The following IGF2BP3 variants were observed in gnomAD, a reference collection of about 807,000 sequenced individuals.
The protein encoded by IGF2BP3 is insulin like growth factor 2 mRNA binding protein 3, also known as insulin-like growth factor 2 mRNA-binding protein 3.
Under a neutral mutation model 73.8 loss-of-function variants are expected in IGF2BP3, and 9 were observed. That is an observed-to-expected ratio of 0.12 (90% CI 0.07 to 0.21). IGF2BP3 has a LOEUF of 0.21. Among genes scored for constraint, IGF2BP3 ranks in the 10% least tolerant of loss-of-function variants. The pLI is 1.00. For synonymous variants in IGF2BP3, 258 were observed against 256.7 expected, an observed-to-expected ratio of 1.01 and a Z score of -0.05; for missense variants, 542 against 714.0, an observed-to-expected ratio of 0.76 and a Z score of 2.75.
rs1783802569 is a variant in IGF2BP3 at position 23,310,713 on chromosome 7, TCAAAATGTCTAA to T, written c.*1637_*1648del. 6.6e-6 allele frequency: 1 copy of T among 152,236 alleles called. No homozygotes were observed. The highest frequency in any genetic ancestry group is 1.5e-5 in the Non-Finnish European group (1 of 68,044). The allele number at this position is 152,236 out of a possible 1,614,324, so 9.4% of individuals were successfully genotyped here. ...TTAAGGAAAACACTTTAAATCATTT[TCAAAATGTCTAA>T]TTGATCTTCAGAAAAACATCTAGTC... On this transcript the variant is annotated 3_prime_UTR_variant, in exon 15 of 15. Transcript: ENST00000258729.
At chr7:23,430,903 G>A (rs1787657125) in intron 2 of IGF2BP3, among the ~76,000 whole-genome samples, 1 of 152,176 alleles carries the variant, frequency 6.6e-6, no homozygotes, top group Admixed American at 6.5e-5. Flanking sequence ...CCAGGAAAAA[G>A]GGATTCAATT....
At position 23,311,293 on chromosome 7, in the gene IGF2BP3, A is replaced by C. The variant is rs1474115529; in HGVS notation, c.*1069T>G. 1 of 152,602 alleles carries C rather than the reference A, an allele frequency of 6.6e-6. No homozygotes were observed. The highest frequency in any genetic ancestry group is 1.5e-5 in the Non-Finnish European group (1 of 68,042). The allele number at this position is 152,602 out of a possible 1,614,324, so 9.5% of individuals were successfully genotyped here. Reference sequence around the variant, plus strand: ...AACTAAGCATCCTATAAGACAAGCTAAAGCTTGCTTTTTGCCAGTCAGTTG... The same window carrying C: ...AACTAAGCATCCTATAAGACAAGCTCAAGCTTGCTTTTTGCCAGTCAGTTG... On this transcript the variant is annotated 3_prime_UTR_variant, in exon 15 of 15. Transcript: ENST00000258729.
At chr7:23,379,332 G>A (rs1198917240) in intron 3 of IGF2BP3, among the ~76,000 whole-genome samples, 1 of 152,178 alleles carries the variant, frequency 6.6e-6, no homozygotes, top group Non-Finnish European at 1.5e-5. Context: ...ATCTGCTGTA[G>A]TTAAAAAACT....
At chr7:23,454,968 T>C (rs371286425) in intron 2 of IGF2BP3, among the ~76,000 whole-genome samples, 5 of 152,298 alleles carry the variant, frequency 3.3e-5, no homozygotes, top group East Asian at 3.9e-4. Context: ...TTGCCTTAAT[T>C]ACCCTGTCAG....
intron 2 of IGF2BP3, among the ~76,000 whole-genome samples, chr7:23,430,409 G>A (rs1391259954): frequency 6.6e-6 from 1 of 152,124 alleles, no homozygotes; most frequent in African/African-American, 2.4e-5. Context: ...CACAAGGTTC[G>A]GATTTGGACT....
chr7:23,312,340 T>C lies in IGF2BP3; in HGVS notation c.*22A>G. On this transcript the variant is annotated 3_prime_UTR_variant, in exon 15 of 15. Transcript: ENST00000258729. ...GTCTTTGGTTTGGCATCTGCCTCTG[T>C]GGTGGGCTGTTTCCTGAGCCTTTAC... 6.4e-7 allele frequency: 1 copy of C among 1,551,584 alleles called. No homozygotes were observed. Among genetic ancestry groups the C allele is most frequent in the Non-Finnish European group, 8.9e-7 (1 of 1,124,432 alleles).
chr7:23,347,802 T>C (rs1224444162), intron 6 of IGF2BP3, 68 bp from the exon 7 acceptor site: 1 of 1,590,922 alleles, frequency 6.3e-7, no homozygotes, highest in Non-Finnish European at 8.6e-7. Flanking sequence ...GAGTCTGTAA[T>C]TACCAAATGC....
At chr7:23,391,552 G>A (rs1786278877) in intron 3 of IGF2BP3, among the ~76,000 whole-genome samples, 1 of 152,150 alleles carries the variant, frequency 6.6e-6, no homozygotes, top group South Asian at 2.1e-4. Flanking sequence ...GGAAGCCAGT[G>A]CTGATTAATT....
intron 10 of IGF2BP3, among the ~76,000 whole-genome samples, chr7:23,320,229 A>G (rs991303018): frequency 2.6e-5 from 4 of 152,140 alleles, no homozygotes; most frequent in South Asian, 2.1e-4. Flanking sequence ...CATTTTATAC[A>G]TGAAAAAATT....
In IGF2BP3 at chr7:23,469,889, G is replaced by T. The variant is rs1056529558; in HGVS notation, c.175+47C>A. ...GCCACCCGGTGGGCCTGGGCGGGCG[G>T]TGCAGGGCTGGGGCGAGAGCCCGGG... On this transcript the variant is annotated intron_variant, in intron 1 of 14. Coordinates refer to ENST00000258729, the MANE Select transcript of IGF2BP3 (RefSeq NM_006547.3). The surrounding 1 kb of genome is among the most constrained non-coding windows in gnomAD (Gnocchi z 6.1). 2.0e-6 allele frequency: 3 copies of T among 1,472,974 alleles called. No homozygotes were observed. The highest frequency in any genetic ancestry group is 2.9e-5 in the African/African-American group (2 of 69,482). The allele number at this position is 1,472,974 out of a possible 1,614,324, so 91.2% of individuals were successfully genotyped here.
intron 2 of IGF2BP3, among the ~76,000 whole-genome samples, chr7:23,426,520 C>T (rs1188132763): frequency 6.6e-6 from 1 of 152,140 alleles, no homozygotes; most frequent in Non-Finnish European, 1.5e-5. Context: ...TGACTCTAGT[C>T]TTATAACCTA....
At chr7:23,342,635 G>A (rs1031273835) in intron 9 of IGF2BP3, among the ~76,000 whole-genome samples, 5 of 152,184 alleles carry the variant, frequency 3.3e-5, no homozygotes, top group Admixed American at 3.3e-4. Context: ...CATGGGTCTA[G>A]AGGCCTCAAA....
intron 2 of IGF2BP3, among the ~76,000 whole-genome samples, chr7:23,428,586 A>G (rs1267764182): frequency 1.3e-5 from 2 of 150,908 alleles, no homozygotes; most frequent in African/African-American, 4.8e-5. Context: ...ACATACTTGT[A>G]GTCCCAGCTA....
chr7:23,316,853 T>C (rs192380134), intron 12 of IGF2BP3, among the ~76,000 whole-genome samples: 9 of 152,264 alleles, frequency 5.9e-5, no homozygotes, highest in East Asian at 1.9e-4. Flanking sequence ...GATTCATCCA[T>C]AGTCTGTTGA....
rs137978706 is a variant in IGF2BP3 at position 23,325,569 on chromosome 7, C to T, written c.1204-6315G>A. 3.0e-4 allele frequency among the ~76,000 whole-genome samples: 46 copies of T among 152,294 alleles called. 3 individuals carry two copies. In the East Asian group the frequency reaches 8.9e-3, roughly 29 times the overall value. ...ACTTTCTTCACAGAACTGGAAAAAA[C>T]TACTTCAAAGTTCATACAGAACCAA... is the stretch of plus-strand genomic sequence containing the variant. On this transcript the variant is annotated intron_variant, in intron 10 of 14. Coordinates refer to ENST00000258729, the MANE Select transcript of IGF2BP3 (RefSeq NM_006547.3).
At chr7:23,389,934 C>A (rs1786218665) in intron 3 of IGF2BP3, among the ~76,000 whole-genome samples, 1 of 151,868 alleles carries the variant, frequency 6.6e-6, no homozygotes, top group African/African-American at 2.4e-5. Flanking sequence ...CGTGACTGAG[C>A]CAGTACACTC....
chr7:23,470,050 T>C lies in IGF2BP3; in HGVS notation c.61A>G (p.Ile21Val). Reference protein sequence around the residue: ...ENAAPSDLESIFKDAKIPVSG... With the variant: ...ENAAPSDLESVFKDAKIPVSG... ...ACCGGGATCTTGGCGTCCTTGAAGA[T>C]ACTTTCTAGGTCCGAGGGGGCGGCG... Residue 21 changes from isoleucine (I) to valine (V), a missense_variant, in exon 1 of 15, where the codon ATC (isoleucine) becomes GTC (valine). Around this residue, in one of 2 missense-constraint regions of IGF2BP3, gnomAD observed 239 missense variants for 241.9 expected, o/e 0.99. Transcript: ENST00000258729. 1 of 1,611,826 alleles carries C rather than the reference T, an allele frequency of 6.2e-7. No individual in the cohort carries two copies.
At chr7:23,443,928 G>C (rs899601925) in intron 2 of IGF2BP3, among the ~76,000 whole-genome samples, 1 of 152,126 alleles carries the variant, frequency 6.6e-6, no homozygotes, top group African/African-American at 2.4e-5. Flanking sequence ...AGAATCGCTT[G>C]AACCCAGGAG....
In IGF2BP3 at chr7:23,364,894, C is replaced by T. The variant is rs138296185; in HGVS notation, c.286-3153G>A. Reference sequence around the variant, plus strand: ...AAAATATAGCTTTTAGGACCAGACACGGTGGCTCACTCCTGTAATCCAGCA... The same window carrying T: ...AAAATATAGCTTTTAGGACCAGACATGGTGGCTCACTCCTGTAATCCAGCA... On this transcript the variant is annotated intron_variant, in intron 3 of 14. Coordinates refer to ENST00000258729, the MANE Select transcript of IGF2BP3 (RefSeq NM_006547.3). 2.6e-4 allele frequency among the ~76,000 whole-genome samples: 39 copies of T among 151,756 alleles called. No individual in the cohort carries two copies. The East Asian group carries it at 7.3e-3, about 28-fold the overall frequency.
Sources: gnomAD v4.1 joint callset for allele counts (sites outside exome capture counted in the v4.1 genomes callset) on GRCh38, gnomAD v4.1.1 for gene constraint, gnomAD v4.1.1 regional missense constraint, Gnocchi (gnomAD v3.1) non-coding constraint, MANE v1.5 for transcripts, NCBI Gene and HGNC (gene_info 2026-07-23, HGNC 2026-07-21) for gene names.